Variants in GRIK2 observed in about 807,000 individuals in gnomAD.
GRIK2 encodes glutamate receptor ionotropic, kainate 2.
GRIK2 carries 32 observed loss-of-function variants against 100.3 expected under a neutral mutation model. The ratio of observed to expected loss-of-function variants is 0.32; its 90% CI spans 0.24 to 0.43. The LOEUF (loss-of-function observed/expected upper bound fraction) is 0.43. Among genes scored for constraint, GRIK2 ranks in the 20% least tolerant of loss-of-function variants. The probability of loss-of-function intolerance (pLI) is 1.00; values close to 1 mark genes in which losing one functional copy is unlikely to be tolerated. For synonymous variants in GRIK2, 417 were observed against 389.4 expected (o/e 1.07, Z -0.83); for missense variants, 843 against 1,114.9 (o/e 0.76, Z 3.47).
chr6:101,466,546 C>T (rs973731331), intron 2 of GRIK2, among the ~76,000 whole-genome samples: 3 of 149,866 alleles, frequency 2.0e-5, no homozygotes, highest in East Asian at 1.9e-4. Flanking sequence ...TTAGCTACTT[C>T]GAAATATTAA....
At chr6:101,713,011 C>G (rs1201589516) in intron 7 of GRIK2, among the ~76,000 whole-genome samples, 1 of 151,612 alleles carries the variant, frequency 6.6e-6, no homozygotes, top group Non-Finnish European at 1.5e-5. Context: ...TGGTAAAGAT[C>G]AGAAAAAAAC....
chr6:101,790,239 C>G (rs1407133429), intron 7 of GRIK2, among the ~76,000 whole-genome samples: 1 of 151,642 alleles, frequency 6.6e-6, no homozygotes, highest in Admixed American at 6.6e-5. Flanking sequence ...CCTTCCAACA[C>G]TATATTGAAT....
At chr6:101,408,610 G>A (rs2787567) in intron 2 of GRIK2, among the ~76,000 whole-genome samples, 4,699 of 152,200 alleles carry the variant, frequency 0.031, 111 homozygotes, top group South Asian at 0.13. Context: ...ACCCAGGCTT[G>A]AAGGCAGTGA....
At chr6:102,040,994 C>CAG (rs898477594) in intron 15 of GRIK2, among the ~76,000 whole-genome samples, 10 of 151,546 alleles carry the variant, frequency 6.6e-5, no homozygotes, top group African/African-American at 9.7e-5. Context: ...TAATAATTTT[C>CAG]AGAGACTGAA....
chr6:101,740,293 A>G (rs951795969), intron 7 of GRIK2, among the ~76,000 whole-genome samples: 1 of 152,174 alleles, frequency 6.6e-6, no homozygotes, highest in Admixed American at 6.5e-5. Flanking sequence ...ATAAAATAGC[A>G]TTGTATTTCC....
rs1337623204 is a variant in GRIK2, at chr6:101,670,675, GT to G, written c.542-5942del. Among the ~76,000 whole-genome samples, 5 of 151,942 alleles carry G rather than the reference GT, an allele frequency of 3.3e-5. No individual in the cohort carries two copies. In the East Asian group the frequency reaches 9.6e-4, roughly 29 times the overall value. On this transcript the variant is annotated intron_variant, in intron 4 of 16. Transcript: ENST00000369134. Reference sequence around the variant, plus strand: ...TTTGGCAATGAGTTAATTTCTTAATGTTTTTTAATTCTAATGTTAGGTTTTC... The same window carrying G: ...TTTGGCAATGAGTTAATTTCTTAATGTTTTTAATTCTAATGTTAGGTTTTC...
chr6:102,051,304 CCTT>C, intron 15 of GRIK2, among the ~76,000 whole-genome samples: 1 of 142,572 alleles, frequency 7.0e-6, no homozygotes, highest in Admixed American at 7.5e-5. Flanking sequence ...TTCCTTCCTT[CCTT>C]CCTTCCACTC....
chr6:102,018,412 A>T (rs1396551875), intron 14 of GRIK2, among the ~76,000 whole-genome samples: 2 of 152,098 alleles, frequency 1.3e-5, no homozygotes, highest in African/African-American at 4.8e-5. Flanking sequence ...TGGTAAAAGA[A>T]TTTCTCCTGA....
intron 2 of GRIK2, among the ~76,000 whole-genome samples, chr6:101,619,592 A>C (rs1156655932): frequency 6.6e-6 from 1 of 152,050 alleles, no homozygotes; most frequent in African/African-American, 2.4e-5. Flanking sequence ...CGAAAAAAGT[A>C]GAAGATTCAG....
At position 101,486,642 on chromosome 6, in the gene GRIK2, T is replaced by G. The variant is rs1582556484; in HGVS notation, c.115+87250T>G. Among the ~76,000 whole-genome samples, 6 of 152,252 alleles carry G rather than the reference T, an allele frequency of 3.9e-5. 1 individual carries two copies. The Middle Eastern group carries it at 0.014, about 345-fold the overall frequency. On this transcript the variant is annotated intron_variant, in intron 2 of 16. Transcript: ENST00000369134. ...TTTGTTTATTGAAACTAAAAGTGGCTTCAAAAATCAATTTTATCAAATCTG... is the reference window on the plus strand; with the variant it reads ...TTTGTTTATTGAAACTAAAAGTGGCGTCAAAAATCAATTTTATCAAATCTG...
In GRIK2 at chr6:101,897,394, A is replaced by G. The variant is rs183305715; in HGVS notation, c.1748+7531A>G. The stretch of plus-strand genomic sequence containing the variant: ...AGCAACATTTTTTCATAGCGGCAGA[A>G]TACTGTGAATTGCTTGTAAGAATAC... On this transcript the variant is annotated intron_variant, in intron 12 of 16. Transcript: ENST00000369134. 8.6e-5 allele frequency among the ~76,000 whole-genome samples: 13 copies of G among 151,892 alleles called. No individual in the cohort carries two copies. The East Asian group carries it at 2.5e-3, about 29-fold the overall frequency.
Position 101,895,500 on chromosome 6 carries a change from G to A in GRIK2, c.1748+5637G>A, listed in dbSNP as rs1006000582. Among the ~76,000 whole-genome samples the A allele has an allele frequency of 5.3e-5, 8 of 151,796 alleles. No individual in the cohort carries two copies. In the South Asian group the frequency reaches 1.0e-3, roughly 20 times the overall value. On this transcript the variant is annotated intron_variant, in intron 12 of 16. Coordinates refer to ENST00000369134, the MANE Select transcript of GRIK2 (RefSeq NM_021956.5). ...GCTTTGATCTCAGCTATGGACTAGC[G>A]TGCAATAGCTTTCATATTTTTGTCA...
At chr6:101,664,399 C>G (rs1473955803) in intron 4 of GRIK2, among the ~76,000 whole-genome samples, 2 of 152,192 alleles carry the variant, frequency 1.3e-5, no homozygotes, top group Non-Finnish European at 2.9e-5. Flanking sequence ...GCTTATTTCT[C>G]TCACGATTGA....
At chr6:101,590,222 A>G (rs772975197) in intron 2 of GRIK2, among the ~76,000 whole-genome samples, 16 of 152,054 alleles carry the variant, frequency 1.1e-4, no homozygotes, top group Non-Finnish European at 1.9e-4. Context: ...CTCAGCTCCA[A>G]ATCTACTCTT....
At chr6:101,421,937 A>G (rs1328823615) in intron 2 of GRIK2, among the ~76,000 whole-genome samples, 2 of 152,216 alleles carry the variant, frequency 1.3e-5, no homozygotes, top group African/African-American at 4.8e-5. Context: ...ATTTGAAGGT[A>G]TTTAGGGAGA....
chr6:101,851,817 A>G (rs561479917), intron 10 of GRIK2, among the ~76,000 whole-genome samples: 1 of 151,980 alleles, frequency 6.6e-6, no homozygotes, highest in Non-Finnish European at 1.5e-5. Context: ...TAATTATGTA[A>G]TGAACTATTT....
intron 12 of GRIK2, among the ~76,000 whole-genome samples, chr6:101,900,470 C>CA (rs1252930096): frequency 6.6e-6 from 1 of 152,048 alleles, no homozygotes; most frequent in Admixed American, 6.6e-5. Flanking sequence ...ACAACAACTA[C>CA]AAAATATATA....
intron 15 of GRIK2, among the ~76,000 whole-genome samples, chr6:102,051,251 C>CCCTT (rs369459574): frequency 0.05 from 6,101 of 121,458 alleles, 199 homozygotes; most frequent in Middle Eastern, 0.074. Context: ...TTCCCTCCCT[C>CCCTT]CCTTCCTTCC....
rs1454925196 is a variant in GRIK2, at chr6:102,051,267, TC to T, written c.2312-4061del. On this transcript the variant is annotated intron_variant, in intron 15 of 16. Transcript: ENST00000369134. ...TCCCTCCCTCCCTTCCTTCCTTCCT[TC>T]CTTCCTTCCTTCCTTCCTTCCTTCC... Among the ~76,000 whole-genome samples the T allele has an allele frequency of 7.8e-3, 1,060 of 136,240 alleles. 60 individuals carry two copies. The East Asian group carries it at 0.13, about 17-fold the overall frequency. 89.4% of individuals were successfully genotyped at this position (136,240 alleles called of 152,430 possible). A position where few individuals can be genotyped will look rare whatever the true frequency, so the allele number is the denominator to read the frequency against.
Sources: allele counts gnomAD v4.1 joint callset (sites outside exome capture counted in the v4.1 genomes callset), GRCh38; gene constraint gnomAD v4.1.1; transcripts MANE v1.5; gene names NCBI Gene and HGNC (gene_info 2026-07-23, HGNC 2026-07-21).